Variants in ROBO1 observed in about 807,000 individuals in gnomAD.
ROBO1 encodes roundabout homolog 1.
ROBO1 carries 149 observed loss-of-function variants against 195.9 expected under a neutral mutation model. The ratio of observed to expected loss-of-function variants is 0.76; its 90% CI spans 0.67 to 0.87. The LOEUF is 0.87. Among genes scored for constraint, ROBO1 ranks in the 40% least tolerant of loss-of-function variants. The pLI is 0.00. For missense variants in ROBO1, 1,933 were observed against 2,068.3 expected, an observed-to-expected ratio of 0.93 and a Z score of 1.27; for synonymous variants, 816 against 733.2, an observed-to-expected ratio of 1.11 and a Z score of -1.82.
intron 2 of ROBO1, among the ~76,000 whole-genome samples, chr3:79,505,994 A>G (rs962053427): frequency 6.6e-6 from 1 of 152,208 alleles, no homozygotes; most frequent in East Asian, 1.9e-4. Flanking sequence ...AACTGAAGTA[A>G]ACCAAAATAC....
intron 2 of ROBO1, among the ~76,000 whole-genome samples, chr3:79,462,231 G>A (rs559942250): frequency 6.6e-6 from 1 of 152,248 alleles, no homozygotes; most frequent in South Asian, 2.1e-4. Context: ...GTCCTACTGT[G>A]TTGGTTAAAG....
intron 3 of ROBO1, among the ~76,000 whole-genome samples, chr3:79,064,911 C>T (rs906328450): frequency 2.6e-5 from 4 of 151,818 alleles, no homozygotes; most frequent in Non-Finnish European, 5.9e-5. Flanking sequence ...TGAAGACAGT[C>T]GGGGGACTGA....
intron 2 of ROBO1, among the ~76,000 whole-genome samples, chr3:79,274,962 TAA>T: frequency 6.6e-6 from 1 of 152,098 alleles, no homozygotes; most frequent in Non-Finnish European, 1.5e-5. Context: ...AACAGACTGA[TAA>T]CAAGTACTGA....
chr3:78,789,073 C>T (rs1201883129), intron 4 of ROBO1, among the ~76,000 whole-genome samples: 1 of 152,072 alleles, frequency 6.6e-6, no homozygotes, highest in South Asian at 2.1e-4. Flanking sequence ...AATAATAAGC[C>T]TTCTTAGTAA....
intron 4 of ROBO1, among the ~76,000 whole-genome samples, chr3:78,925,500 G>T (rs756571774): frequency 2.8e-4 from 43 of 152,236 alleles, no homozygotes; most frequent in Non-Finnish European, 1.5e-5. Context: ...TAATTTGTGC[G>T]CAATCACTCA....
At chr3:79,330,379 C>T (rs915671737) in intron 2 of ROBO1, among the ~76,000 whole-genome samples, 4 of 150,192 alleles carry the variant, frequency 2.7e-5, no homozygotes, top group Non-Finnish European at 5.9e-5. Context: ...CAAACTAAGA[C>T]TCAAAGGTTA....
chr3:79,559,997 T>C (rs2107705227), intron 2 of ROBO1, among the ~76,000 whole-genome samples: 1 of 152,234 alleles, frequency 6.6e-6, no homozygotes, highest in South Asian at 2.1e-4. Context: ...TCTAAAACCC[T>C]CAGATAAGAA....
intron 2 of ROBO1, among the ~76,000 whole-genome samples, chr3:79,338,209 A>T (rs1180963467): frequency 6.6e-6 from 1 of 152,202 alleles, no homozygotes; most frequent in African/African-American, 2.4e-5. Context: ...ACATATCAGA[A>T]CATTTACTTA....
chr3:79,092,285 C>T (rs548518258), intron 3 of ROBO1, among the ~76,000 whole-genome samples: 1 of 151,956 alleles, frequency 6.6e-6, no homozygotes, highest in Admixed American at 6.6e-5. Flanking sequence ...TTTAATGAGA[C>T]GGAGGAACAC....
At chr3:79,736,607 C>T (rs1703399479) in intron 1 of ROBO1, among the ~76,000 whole-genome samples, 3 of 152,024 alleles carry the variant, frequency 2.0e-5, no homozygotes, top group Admixed American at 1.3e-4. Flanking sequence ...TGTGGGTGTA[C>T]CTCCTCAAAG....
At chr3:78,901,262 C>A (rs781511764) in intron 4 of ROBO1, among the ~76,000 whole-genome samples, 17 of 152,216 alleles carry the variant, frequency 1.1e-4, no homozygotes, top group Middle Eastern at 6.8e-3. Context: ...ACAGCAGATG[C>A]CACACCTGCA....
intron 2 of ROBO1, among the ~76,000 whole-genome samples, chr3:79,542,828 G>T (rs778233873): frequency 6.6e-6 from 1 of 151,992 alleles, no homozygotes; most frequent in South Asian, 2.1e-4. Context: ...TGTCAGGAAG[G>T]TGTGTGATTT....
rs557048473 is a variant in ROBO1 at position 79,753,110 on chromosome 3, A to T, written c.-51+14642T>A. Among the ~76,000 whole-genome samples, 8 of 152,270 alleles carry T rather than the reference A, an allele frequency of 5.3e-5. No homozygotes were observed. In the South Asian group the frequency reaches 1.7e-3, roughly 32 times the overall value. On this transcript the variant is annotated intron_variant, in intron 1 of 30. Transcript: ENST00000464233. ...TGAAAATAAAGCTGGAGAGACAGAG[A>T]TCAGTGCTAGAAAAATAAATACACT...
intron 2 of ROBO1, among the ~76,000 whole-genome samples, chr3:79,290,200 A>T (rs1050031197): frequency 6.6e-6 from 1 of 151,724 alleles, no homozygotes; most frequent in Admixed American, 6.6e-5. Context: ...TGCCCAGCTA[A>T]TTTTTATCTT....
intron 3 of ROBO1, among the ~76,000 whole-genome samples, chr3:78,944,543 T>G (rs1003646730): frequency 2.0e-5 from 3 of 152,192 alleles, no homozygotes; most frequent in African/African-American, 7.2e-5. Flanking sequence ...GGAGCCAAGA[T>G]GGCCGAATAG....
chr3:79,358,090 C>G lies in ROBO1; in HGVS notation c.88+231734G>C, dbSNP rs559691758. On this transcript the variant is annotated intron_variant, in intron 2 of 30. Transcript: ENST00000464233. ...CTGACTTTCTTGGTTTAAATTCTGG[C>G]TTCGTCACTTACATAGCTATGTGAC... Among the ~76,000 whole-genome samples the G allele has an allele frequency of 3.9e-5, 6 of 152,108 alleles. No individual in the cohort carries two copies. In the East Asian group the frequency reaches 1.2e-3, roughly 29 times the overall value.
chr3:79,227,711 A>G (rs1004757659), intron 2 of ROBO1, among the ~76,000 whole-genome samples: 2 of 152,188 alleles, frequency 1.3e-5, no homozygotes, highest in Non-Finnish European at 1.5e-5. Context: ...ATCTTTATTA[A>G]CTATTTGACC....
chr3:78,725,261 TG>T (rs2082135314), intron 5 of ROBO1, among the ~76,000 whole-genome samples: 1 of 152,130 alleles, frequency 6.6e-6, no homozygotes, highest in South Asian at 2.1e-4. Context: ...AATGTCCCAC[TG>T]GTCTTGCTCC....
intron 2 of ROBO1, among the ~76,000 whole-genome samples, chr3:79,355,505 T>C (rs1036203277): frequency 6.6e-6 from 1 of 152,158 alleles, no homozygotes; most frequent in Non-Finnish European, 1.5e-5. Flanking sequence ...AACCAGAACA[T>C]ATTCCTCTTA....
Sources: gnomAD v4.1 joint callset for allele counts (sites outside exome capture counted in the v4.1 genomes callset) on GRCh38, gnomAD v4.1.1 for gene constraint, MANE v1.5 for transcripts, NCBI Gene and HGNC (gene_info 2026-07-23, HGNC 2026-07-21) for gene names.